MBD5: variants seen among roughly 807,000 people sequenced by gnomAD.
The protein encoded by MBD5 is methyl-CpG binding domain protein 5.
MBD5 carries 13 observed loss-of-function variants against 117.3 expected under a neutral mutation model. That is an observed-to-expected ratio of 0.11 (90% CI 0.07 to 0.18). MBD5 has a LOEUF of 0.18. MBD5 is among the 10% of genes least tolerant of loss of function. The pLI, the probability that MBD5 is intolerant of heterozygous loss-of-function variation, is 1.00. For synonymous variants in MBD5, 727 were observed against 766.4 expected, an observed-to-expected ratio of 0.95 and a Z score of 0.85; for missense variants, 1,879 against 2,093.8, an observed-to-expected ratio of 0.90 and a Z score of 2.00.
chr2:148,068,630 A>G (rs1401533824), intron 1 of MBD5: 1 of 152,200 alleles, frequency 6.6e-6, no homozygotes, highest in African/African-American at 2.4e-5. Flanking sequence ...GTGGCTGTAC[A>G]CTACAGTATT....
intron 3 of MBD5, among the ~76,000 whole-genome samples, chr2:148,294,224 T>G (rs1305352575): frequency 3.5e-5 from 5 of 144,352 alleles, no homozygotes; most frequent in East Asian, 2.0e-4. Context: ...TTTTTTTTTT[T>G]TTTTTTTTTT....
chr2:148,356,462 G>A (rs1199098288), intron 4 of MBD5, among the ~76,000 whole-genome samples: 1 of 152,072 alleles, frequency 6.6e-6, no homozygotes, highest in African/African-American at 2.4e-5. Context: ...TTCAAGAAGG[G>A]AGAGAATCTG....
At chr2:148,421,338 C>A (rs1031812817) in intron 4 of MBD5, among the ~76,000 whole-genome samples, 2 of 152,136 alleles carry the variant, frequency 1.3e-5, no homozygotes, top group African/African-American at 2.4e-5. Context: ...GTATTTCCCT[C>A]CCCTAGCCAA....
intron 3 of MBD5, among the ~76,000 whole-genome samples, chr2:148,247,905 A>T (rs1490979339): frequency 6.6e-6 from 1 of 152,158 alleles, no homozygotes; most frequent in East Asian, 1.9e-4. Context: ...TCTCATGATA[A>T]ACAACTAAAA....
At chr2:148,262,271 T>C (rs1398311633) in intron 3 of MBD5, among the ~76,000 whole-genome samples, 1 of 152,124 alleles carries the variant, frequency 6.6e-6, no homozygotes, top group African/African-American at 2.4e-5. Context: ...CATTTATTCC[T>C]GCACTGGGGA....
intron 1 of MBD5, among the ~76,000 whole-genome samples, chr2:148,047,972 G>A (rs1313946044): frequency 6.6e-6 from 1 of 152,178 alleles, no homozygotes; most frequent in Non-Finnish European, 1.5e-5. Flanking sequence ...GAAGCCTCTA[G>A]TAAGATACTG....
At chr2:148,096,453 T>C (rs1438228326) in intron 1 of MBD5, among the ~76,000 whole-genome samples, 2 of 152,164 alleles carry the variant, frequency 1.3e-5, no homozygotes, top group African/African-American at 4.8e-5. Flanking sequence ...AACCCTGCCA[T>C]AGAAAGTGAT....
At chr2:148,200,565 C>A (rs539503852) in intron 2 of MBD5, among the ~76,000 whole-genome samples, 12 of 151,940 alleles carry the variant, frequency 7.9e-5, no homozygotes, top group African/African-American at 2.9e-4. Context: ...TGGTGGCGGG[C>A]GCCTGTGGTC....
chr2:148,197,207 G>T (rs1043873716), intron 2 of MBD5, among the ~76,000 whole-genome samples: 8 of 152,102 alleles, frequency 5.3e-5, no homozygotes, highest in Non-Finnish European at 1.2e-4. Flanking sequence ...TGAAATCCCA[G>T]TCCCCATATT....
At chr2:148,329,764 C>T (rs1702582163) in intron 3 of MBD5, among the ~76,000 whole-genome samples, 1 of 152,018 alleles carries the variant, frequency 6.6e-6, no homozygotes, top group African/African-American at 2.4e-5. Flanking sequence ...AATATGTATT[C>T]ACAAATAATA....
At position 148,463,741 on chromosome 2, in the gene MBD5, A is replaced by G. The variant is rs765801129; in HGVS notation, c.219A>G (p.Val73=). ...AACAAAGGCTGTGCTTTTTCCAGGT[A>G]TTTAATTTTGATCCTGGAGCTGCTG... ...GLECPLILPK[V]FNFDPGAAVK... Residue 73 remains valine, a splice_region_variant and synonymous_variant, in exon 7 of 14, where the codon GTA becomes GTG. Transcript: ENST00000642680. The G allele has an allele frequency of 1.2e-6, 2 of 1,613,486 alleles. No individual in the cohort carries two copies. The highest frequency in any genetic ancestry group is 2.2e-5 in the East Asian group (1 of 44,874).
chr2:148,324,937 T>G (rs1307669192), intron 3 of MBD5, among the ~76,000 whole-genome samples: 1 of 152,136 alleles, frequency 6.6e-6, no homozygotes, highest in Non-Finnish European at 1.5e-5. Context: ...ATGCTTCCAG[T>G]TTTTGCCCAT....
intron 4 of MBD5, among the ~76,000 whole-genome samples, chr2:148,348,913 G>A (rs1703185011): frequency 1.3e-5 from 2 of 151,806 alleles, no homozygotes; most frequent in Non-Finnish European, 2.9e-5. Context: ...CAAATAGTAG[G>A]GCTTCAATAA....
chr2:148,080,556 G>A (rs1695623937), intron 1 of MBD5, among the ~76,000 whole-genome samples: 1 of 151,876 alleles, frequency 6.6e-6, no homozygotes, highest in Non-Finnish European at 1.5e-5. Context: ...AAATCTTTTA[G>A]TATTGGACCC....
chr2:148,325,563 G>T (rs1323999057), intron 3 of MBD5, among the ~76,000 whole-genome samples: 2 of 152,072 alleles, frequency 1.3e-5, no homozygotes, highest in African/African-American at 4.8e-5. Context: ...TTTAGTCTTG[G>T]GAGAGTGTAT....
intron 2 of MBD5, among the ~76,000 whole-genome samples, chr2:148,199,989 T>G (rs1176740279): frequency 6.6e-6 from 1 of 152,170 alleles, no homozygotes; most frequent in Non-Finnish European, 1.5e-5. Context: ...AGCTGTACAT[T>G]TATCTTATGA....
At chr2:148,437,565 CTT>C (rs1461061243) in intron 4 of MBD5, among the ~76,000 whole-genome samples, 2 of 151,842 alleles carry the variant, frequency 1.3e-5, no homozygotes, top group Non-Finnish European at 2.9e-5. Context: ...TCTTTAAAGA[CTT>C]TTATTTACAC....
intron 3 of MBD5, among the ~76,000 whole-genome samples, chr2:148,327,269 A>G (rs1397807615): frequency 1.3e-5 from 2 of 151,376 alleles, no homozygotes; most frequent in Non-Finnish European, 2.9e-5. Context: ...TGCCCTTAAC[A>G]TTTTTTCCTT....
At chr2:148,201,465 G>A (rs539865874) in intron 2 of MBD5, among the ~76,000 whole-genome samples, 4 of 152,232 alleles carry the variant, frequency 2.6e-5, no homozygotes, top group African/African-American at 9.6e-5. Flanking sequence ...AGACAGAGGC[G>A]CCTTAACAAC....
Sources: allele counts gnomAD v4.1 joint callset (sites outside exome capture counted in the v4.1 genomes callset), GRCh38; gene constraint gnomAD v4.1.1; transcripts MANE v1.5; gene names NCBI Gene and HGNC (gene_info 2026-07-23, HGNC 2026-07-21).